C1orf21: variants seen among roughly 807,000 people sequenced by gnomAD.
C1orf21 encodes the protein chromosome 1 open reading frame 21.
C1orf21 carries 3 observed loss-of-function variants against 18.7 expected under a neutral mutation model. That is an observed-to-expected ratio of 0.16 (90% confidence interval 0.07 to 0.42). The LOEUF (loss-of-function observed/expected upper bound fraction) is 0.42, where lower values mean the gene tolerates loss of function less well. Among genes scored for constraint, C1orf21 ranks in the 10% least tolerant of loss-of-function variants. The pLI, the probability that C1orf21 is intolerant of heterozygous loss-of-function variation, is 0.99. For missense variants in C1orf21, 104 were observed against 143.6 expected (o/e 0.72, Z 1.41); for synonymous variants, 41 against 46.4 (o/e 0.88, Z 0.47).
rs775246641 is a variant in C1orf21, at chr1:184,507,592, G to C, written c.99G>C (p.Glu33Asp). 1.3e-6 allele frequency: 2 copies of C among 1,598,760 alleles called. No homozygotes were observed. Among genetic ancestry groups the C allele is most frequent in the South Asian group, 1.1e-5 (1 of 87,886 alleles). The change falls in exon 3 of 6, where the codon GAG becomes GAC. Residue 33 changes from glutamate (E) to aspartate (D), a missense_variant. Transcript: ENST00000235307. ...NYQNGDVFGDEYRIKPVEEVK... is the reference protein window; with the variant it reads ...NYQNGDVFGDDYRIKPVEEVK... ...TTTTCTTTTTTTGGCACTCAGATGA[G>C]TATAGGATCAAACCAGTGGAAGAGG...
rs1659887893 is a variant in C1orf21, at chr1:184,619,765, A to T, written c.*209A>T. 2.2e-6 allele frequency: 1 copy of T among 453,464 alleles called. No homozygotes were observed. Among genetic ancestry groups the T allele is most frequent in the African/African-American group, 2.0e-5 (1 of 48,784 alleles). The allele number at this position is 453,464 out of a possible 1,614,324, so 28.1% of individuals were successfully genotyped here. On this transcript the variant is annotated 3_prime_UTR_variant, in exon 6 of 6. Transcript: ENST00000235307. ...AACAAACAAAAAAAACTGTTATCGAACTTTCTTTGTTGCTGCTAGTTAAAA... is the reference window on the plus strand; with the variant it reads ...AACAAACAAAAAAAACTGTTATCGATCTTTCTTTGTTGCTGCTAGTTAAAA...
intron 1 of C1orf21, among the ~76,000 whole-genome samples, chr1:184,471,777 G>T (rs1657500011): frequency 6.6e-6 from 1 of 152,162 alleles, no homozygotes; most frequent in African/African-American, 2.4e-5. Context: ...CCATAAAGAA[G>T]GCAGAAGCCA....
chr1:184,425,316 G>A (rs1656616937), intron 1 of C1orf21, among the ~76,000 whole-genome samples: 1 of 151,398 alleles, frequency 6.6e-6, no homozygotes, highest in Non-Finnish European at 1.5e-5. Flanking sequence ...CACCCAGGAT[G>A]GAGTGCAGTG....
chr1:184,551,492 C>T (rs1890654), intron 3 of C1orf21, among the ~76,000 whole-genome samples: 3,438 of 152,264 alleles, frequency 0.023, 125 homozygotes, highest in African/African-American at 0.077. Context: ...TGGACCTTCT[C>T]AAGGCTGAGA....
At chr1:184,618,013 G>A (rs771087204) in intron 5 of C1orf21, among the ~76,000 whole-genome samples, 8 of 147,654 alleles carry the variant, frequency 5.4e-5, no homozygotes, top group Admixed American at 1.4e-4. Flanking sequence ...AGGTTCAAGC[G>A]ATTCTCCTGC....
intron 1 of C1orf21, among the ~76,000 whole-genome samples, chr1:184,389,354 G>T (rs1655935675): frequency 1.3e-5 from 2 of 152,228 alleles, no homozygotes; most frequent in East Asian, 1.9e-4. Flanking sequence ...AGTGTTAAAA[G>T]TTCATCCTAG....
intron 1 of C1orf21, among the ~76,000 whole-genome samples, chr1:184,438,513 A>T (rs950132339): frequency 6.6e-6 from 1 of 152,138 alleles, no homozygotes; most frequent in Admixed American, 6.5e-5. Flanking sequence ...CTCACACTCC[A>T]TGTAGAAAAT....
intron 3 of C1orf21, among the ~76,000 whole-genome samples, chr1:184,584,848 A>G (rs1659330691): frequency 6.6e-6 from 1 of 152,232 alleles, no homozygotes; most frequent in Non-Finnish European, 1.5e-5. Flanking sequence ...ATTTCATGAC[A>G]TGAATCTAGA....
chr1:184,580,276 C>A (rs1210202118), intron 3 of C1orf21, among the ~76,000 whole-genome samples: 3 of 152,178 alleles, frequency 2.0e-5, no homozygotes, highest in African/African-American at 7.2e-5. Flanking sequence ...CTGTTACAAT[C>A]CTTTGAGGGA....
intron 3 of C1orf21, among the ~76,000 whole-genome samples, chr1:184,524,448 C>T (rs548143270): frequency 1.1e-4 from 17 of 152,046 alleles, no homozygotes; most frequent in African/African-American, 3.6e-4. Flanking sequence ...TATTATGTTG[C>T]ATTTGAATTT....
intron 3 of C1orf21, among the ~76,000 whole-genome samples, chr1:184,590,304 G>T (rs12410630): frequency 0.17 from 25,598 of 152,068 alleles, 2,465 homozygotes; most frequent in East Asian, 0.31. Context: ...TTCCTGTCAC[G>T]GCTAGGGCCT....
chr1:184,599,351 G>T (rs1290984009), intron 5 of C1orf21: 1 of 152,066 alleles, frequency 6.6e-6, no homozygotes, highest in African/African-American at 2.4e-5. Context: ...ATTTATTTAT[G>T]AATTTCTAAG....
intron 1 of C1orf21, among the ~76,000 whole-genome samples, chr1:184,400,889 C>T (rs550505204): frequency 6.6e-6 from 1 of 152,234 alleles, no homozygotes; most frequent in East Asian, 1.9e-4. Context: ...AGGATAAATA[C>T]ATTTGCAGTT....
chr1:184,461,472 GC>G (rs1204286665), intron 1 of C1orf21, among the ~76,000 whole-genome samples: 1 of 152,134 alleles, frequency 6.6e-6, no homozygotes, highest in African/African-American at 2.4e-5. Context: ...TTATCAGTGA[GC>G]CCATTTCCTG....
chr1:184,458,953 C>T (rs1245338570), intron 1 of C1orf21, among the ~76,000 whole-genome samples: 1 of 152,086 alleles, frequency 6.6e-6, no homozygotes, highest in Non-Finnish European at 1.5e-5. Context: ...AATGTTTTTC[C>T]ACTCTTTGAG....
At chr1:184,457,962 G>A (rs1386131915) in intron 1 of C1orf21, among the ~76,000 whole-genome samples, 2 of 152,120 alleles carry the variant, frequency 1.3e-5, no homozygotes, top group Admixed American at 6.5e-5. Flanking sequence ...TGTAGATATT[G>A]TTTCAAATTC....
chr1:184,546,127 T>C (rs936413564), intron 3 of C1orf21: 1 of 152,210 alleles, frequency 6.6e-6, no homozygotes, highest in African/African-American at 2.4e-5. Context: ...TCTTAATTAA[T>C]TCACTTCATA....
intron 3 of C1orf21, among the ~76,000 whole-genome samples, chr1:184,530,399 A>T (rs1658441932): frequency 6.6e-6 from 1 of 152,138 alleles, no homozygotes; most frequent in African/African-American, 2.4e-5. Context: ...GATAGCTTTG[A>T]TGATGACAAT....
chr1:184,467,485 C>T (rs917269807), intron 1 of C1orf21, among the ~76,000 whole-genome samples: 2 of 152,190 alleles, frequency 1.3e-5, no homozygotes, highest in Admixed American at 6.5e-5. Flanking sequence ...CCTGCCCCAG[C>T]ACAGCAGAAA....
Sources: allele counts gnomAD v4.1 joint callset (sites outside exome capture counted in the v4.1 genomes callset), GRCh38; gene constraint gnomAD v4.1.1; transcripts MANE v1.5; gene names NCBI Gene and HGNC (gene_info 2026-07-23, HGNC 2026-07-21).